The following CNTNAP5 variants were observed in gnomAD, a reference collection of about 807,000 sequenced individuals.
The protein encoded by CNTNAP5 is contactin-associated protein-like 5.
Under a neutral mutation model 150.2 loss-of-function variants are expected in CNTNAP5, and 72 were observed. That is an observed-to-expected ratio of 0.48 (90% CI 0.40 to 0.58). The LOEUF (loss-of-function observed/expected upper bound fraction) is 0.58. CNTNAP5 is among the 20% of genes least tolerant of loss of function. The pLI is 0.00. For synonymous variants in CNTNAP5, 672 were observed against 619.8 expected, an observed-to-expected ratio of 1.08 and a Z score of -1.25; for missense variants, 1,636 against 1,626.2, an observed-to-expected ratio of 1.01 and a Z score of -0.10.
At chr2:124,688,501 G>A (rs1168298888) in intron 13 of CNTNAP5, among the ~76,000 whole-genome samples, 1 of 152,078 alleles carries the variant, frequency 6.6e-6, no homozygotes, top group Non-Finnish European at 1.5e-5. Flanking sequence ...AAATGCAGAG[G>A]AGTGAGTCAG....
At chr2:124,328,836 A>C (rs1689281906) in intron 3 of CNTNAP5, among the ~76,000 whole-genome samples, 1 of 152,188 alleles carries the variant, frequency 6.6e-6, no homozygotes, top group African/African-American at 2.4e-5. Context: ...CTGCTGGGGA[A>C]AAGGGTAAGC....
chr2:124,893,115 C>T (rs1337924131), intron 21 of CNTNAP5, among the ~76,000 whole-genome samples: 7 of 152,092 alleles, frequency 4.6e-5, no homozygotes, highest in Non-Finnish European at 1.0e-4. Context: ...TTAACAATTA[C>T]AAAAGGAAGC....
chr2:124,651,045 G>A (rs943286585), intron 13 of CNTNAP5, among the ~76,000 whole-genome samples: 1 of 152,238 alleles, frequency 6.6e-6, no homozygotes, highest in African/African-American at 2.4e-5. Flanking sequence ...TACTCCCAAC[G>A]ACACTATGAG....
At chr2:124,393,551 G>T (rs959020022) in intron 3 of CNTNAP5, among the ~76,000 whole-genome samples, 3 of 152,176 alleles carry the variant, frequency 2.0e-5, no homozygotes, top group African/African-American at 7.2e-5. Context: ...CCTATGCATG[G>T]GGTTCAGCCC....
chr2:124,197,501 T>A (rs1685616265), intron 1 of CNTNAP5, among the ~76,000 whole-genome samples: 1 of 152,174 alleles, frequency 6.6e-6, no homozygotes, highest in South Asian at 2.1e-4. Context: ...TTGTGTTGCT[T>A]TCAGTTTTCT....
rs141516354 is a variant in CNTNAP5 at position 124,567,958 on chromosome 2, G to A, written c.1756+4635G>A. Among the ~76,000 whole-genome samples the A allele has an allele frequency of 4.3e-3, 655 of 152,226 alleles. 3 individuals carry two copies. The highest frequency in any genetic ancestry group is 7.3e-3 in the Non-Finnish European group (494 of 68,024). On this transcript the variant is annotated intron_variant, in intron 11 of 23. Transcript: ENST00000682447. ...GTTATTATTTCCATTTTACAGATGA[G>A]AACATTGAGGCCCAGAAAGCTTATG... is the stretch of plus-strand genomic sequence containing the variant.
At position 124,790,089 on chromosome 2, in the gene CNTNAP5, C is replaced by T. The variant is rs1258464814; in HGVS notation, c.2940C>T (p.Gly980=). The change falls in exon 18 of 24, where the codon GGC becomes GGT. Residue 980 remains glycine (G), a synonymous_variant. Coordinates refer to ENST00000682447, the MANE Select transcript of CNTNAP5 (RefSeq NM_001367498.1). ...NGGKCVEKHN[G]YLCDCTNSPY... is the part of the protein sequence containing the mutation. ...GCAAGTGTGTGGAGAAGCACAATGG[C>T]TACCTGTGTGATTGCACCAATTCAC... 6.2e-7 allele frequency: 1 copy of T among 1,613,784 alleles called. No homozygotes were observed. The highest frequency in any genetic ancestry group is 8.5e-7 in the Non-Finnish European group (1 of 1,179,852).
At chr2:124,207,530 GT>G (rs2104719280) in intron 1 of CNTNAP5, among the ~76,000 whole-genome samples, 2 of 152,320 alleles carry the variant, frequency 1.3e-5, no homozygotes, top group East Asian at 3.9e-4. Context: ...GACTACTCAT[GT>G]TTTGCAATGA....
At chr2:124,663,944 A>C (rs1678645512) in intron 13 of CNTNAP5, among the ~76,000 whole-genome samples, 1 of 152,194 alleles carries the variant, frequency 6.6e-6, no homozygotes, top group East Asian at 1.9e-4. Context: ...CTTTGGTGGT[A>C]AAATTGAAAT....
At chr2:124,822,653 T>G (rs1282796953) in intron 19 of CNTNAP5, among the ~76,000 whole-genome samples, 1 of 152,192 alleles carries the variant, frequency 6.6e-6, no homozygotes, top group Non-Finnish European at 1.5e-5. Context: ...TCGACATCTC[T>G]AATGATTCTA....
intron 4 of CNTNAP5, among the ~76,000 whole-genome samples, 155 bp downstream of exon 4, chr2:124,417,745 A>G (rs1446228280): frequency 6.6e-6 from 1 of 152,214 alleles, no homozygotes; most frequent in African/African-American, 2.4e-5. Context: ...TCAATCCCAA[A>G]GTAGAAAAAA....
intron 3 of CNTNAP5, among the ~76,000 whole-genome samples, chr2:124,361,906 G>A (rs1319227866): frequency 1.3e-5 from 2 of 151,672 alleles, no homozygotes; most frequent in South Asian, 4.1e-4. Flanking sequence ...CCCTCCCCCA[G>A]CCTCGCTGCC....
At chr2:124,419,153 A>C (rs113862901) in intron 4 of CNTNAP5, among the ~76,000 whole-genome samples, 22 of 76,404 alleles carry the variant, frequency 2.9e-4, no homozygotes, top group East Asian at 4.3e-4. Flanking sequence ...AAAAAAAAAA[A>C]AAAAAAAAAA....
intron 11 of CNTNAP5, among the ~76,000 whole-genome samples, chr2:124,589,706 G>A (rs1696636261): frequency 6.6e-6 from 1 of 152,160 alleles, no homozygotes. Context: ...GGAAATTGAT[G>A]TCGGTATACT....
Position 124,914,126 on chromosome 2 carries a change from T to C in CNTNAP5, c.3762T>C (p.Cys1254=). 1 of 1,612,510 alleles carries C rather than the reference T, an allele frequency of 6.2e-7. No individual in the cohort carries two copies. The highest frequency in any genetic ancestry group is 8.5e-7 in the Non-Finnish European group (1 of 1,178,932). ...CAGTGGTGATATTCATCATCTTCTG[T>C]ATCATCGGCATCATGACCCGGTTCC... is the stretch of plus-strand genomic sequence containing the variant. ...VIAVVIFIIF[C]IIGIMTRFLY... The change falls in exon 24 of 24, where the codon TGT becomes TGC. Residue 1254 remains cysteine, a synonymous_variant. Coordinates refer to ENST00000682447, the MANE Select transcript of CNTNAP5 (RefSeq NM_001367498.1).
chr2:124,176,841 GGT>G (rs1573812974), intron 1 of CNTNAP5, among the ~76,000 whole-genome samples: 1 of 97,888 alleles, frequency 1.0e-5, no homozygotes, highest in East Asian at 2.3e-4. Flanking sequence ...TGTTATTGCT[GGT>G]TTTTTTTTTT....
intron 13 of CNTNAP5, among the ~76,000 whole-genome samples, chr2:124,690,306 G>T (rs1308956910): frequency 6.6e-6 from 1 of 152,012 alleles, no homozygotes; most frequent in African/African-American, 2.4e-5. Context: ...CTTTGTATTA[G>T]TTATTTATTT....
intron 3 of CNTNAP5, among the ~76,000 whole-genome samples, chr2:124,311,868 C>T (rs1026342772): frequency 6.6e-6 from 1 of 152,062 alleles, no homozygotes; most frequent in Non-Finnish European, 1.5e-5. Context: ...GAGGCAGACA[C>T]TTAAAAAAAT....
chr2:124,677,381 G>A (rs556316610), intron 13 of CNTNAP5, among the ~76,000 whole-genome samples: 35 of 152,326 alleles, frequency 2.3e-4, no homozygotes, highest in Non-Finnish European at 2.5e-4. Flanking sequence ...TTAGTGTGAA[G>A]AGTGAAAGAA....
Sources: gnomAD v4.1 joint callset for allele counts (sites outside exome capture counted in the v4.1 genomes callset) on GRCh38, gnomAD v4.1.1 for gene constraint, MANE v1.5 for transcripts, NCBI Gene and HGNC (gene_info 2026-07-23, HGNC 2026-07-21) for gene names.